The following PITPNC1 variants were observed in gnomAD, a reference collection of about 807,000 sequenced individuals.
PITPNC1 encodes the protein cytoplasmic phosphatidylinositol transfer protein 1.
Under a neutral mutation model 44.7 loss-of-function variants are expected in PITPNC1, and 18 were observed. The ratio of observed to expected loss-of-function variants is 0.40; its 90% CI spans 0.28 to 0.60. The LOEUF is 0.60. Ranked by LOEUF, PITPNC1 falls within the 20% of genes least tolerant of loss-of-function variation. The pLI is 0.39. For missense variants in PITPNC1, 290 were observed against 418.4 expected (o/e 0.69, Z 2.68); for synonymous variants, 141 against 149.6 (o/e 0.94, Z 0.42).
chr17:67,615,684 G>A (rs2041749290), intron 5 of PITPNC1, among the ~76,000 whole-genome samples: 3 of 152,112 alleles, frequency 2.0e-5, no homozygotes, highest in South Asian at 4.1e-4. Flanking sequence ...GTTCAATATC[G>A]ATTTGTCAAT....
At chr17:67,481,380 C>G (rs547248591) in intron 1 of PITPNC1, among the ~76,000 whole-genome samples, 1 of 152,362 alleles carries the variant, frequency 6.6e-6, no homozygotes, top group East Asian at 1.9e-4. Flanking sequence ...CTGCCAGCTG[C>G]AAAGCAGGCT....
At chr17:67,674,797 A>T (rs1313653411) in intron 7 of PITPNC1, among the ~76,000 whole-genome samples, 1 of 152,042 alleles carries the variant, frequency 6.6e-6, no homozygotes, top group South Asian at 2.1e-4. Flanking sequence ...GTGGATGACG[A>T]GGTCAAGAGA....
At chr17:67,442,495 G>C (rs1434614771) in intron 1 of PITPNC1, among the ~76,000 whole-genome samples, 1 of 151,298 alleles carries the variant, frequency 6.6e-6, no homozygotes, top group East Asian at 2.0e-4. Flanking sequence ...TCTTTATTTA[G>C]AATTTGGATG....
intron 1 of PITPNC1, among the ~76,000 whole-genome samples, chr17:67,467,929 G>T (rs2039451695): frequency 6.6e-6 from 1 of 152,216 alleles, no homozygotes; most frequent in African/African-American, 2.4e-5. Context: ...GACTTACGAT[G>T]TAATTGCATG....
intron 1 of PITPNC1, among the ~76,000 whole-genome samples, chr17:67,451,179 G>T (rs8077652): frequency 6.6e-6 from 1 of 151,740 alleles, no homozygotes. Context: ...CTACACGCGC[G>T]CGCCATCACA....
intron 1 of PITPNC1, among the ~76,000 whole-genome samples, chr17:67,518,168 C>CTTT (rs2040281462): frequency 1.3e-5 from 2 of 152,152 alleles, no homozygotes; most frequent in African/African-American, 2.4e-5. Context: ...CAAAATAATA[C>CTTT]TGAAAACAGC....
At chr17:67,448,662 C>A (rs562174184) in intron 1 of PITPNC1, among the ~76,000 whole-genome samples, 1 of 152,226 alleles carries the variant, frequency 6.6e-6, no homozygotes, top group African/African-American at 2.4e-5. Context: ...TCCAGTCTTT[C>A]CTGTGGGCTC....
At position 67,690,955 on chromosome 17, in the gene PITPNC1, T is replaced by A. The variant is rs538951814; in HGVS notation, c.683-1617T>A. Among the ~76,000 whole-genome samples, 216 of 152,032 alleles carry A rather than the reference T, an allele frequency of 1.4e-3. 3 individuals carry two copies. The South Asian group carries it at 0.03, about 21-fold the overall frequency. On this transcript the variant is annotated intron_variant, in intron 8 of 8. Coordinates refer to ENST00000581322, the MANE Select transcript of PITPNC1 (RefSeq NM_012417.4). ...CTGTCTCTGCTAAAAGTACAAAAAT[T>A]AGCAGGGCATGGTGGCACGTGCCTG...
At chr17:67,526,619 C>A (rs752553803) in intron 1 of PITPNC1, among the ~76,000 whole-genome samples, 1 of 151,912 alleles carries the variant, frequency 6.6e-6, no homozygotes, top group African/African-American at 2.4e-5. Context: ...GTAATCCCAG[C>A]TACTTGGGAG....
At chr17:67,543,441 A>G (rs557930389) in intron 2 of PITPNC1, among the ~76,000 whole-genome samples, 75 of 152,316 alleles carry the variant, frequency 4.9e-4, no homozygotes, top group Non-Finnish European at 7.9e-4. Context: ...CAGGAATGCA[A>G]TAGGGCTCCA....
At chr17:67,690,425 G>A (rs565272412) in intron 8 of PITPNC1, among the ~76,000 whole-genome samples, 130 of 132,526 alleles carry the variant, frequency 9.8e-4, no homozygotes, top group Non-Finnish European at 1.7e-3. Context: ...TCCAGCCTGG[G>A]AGACAAGAGC....
In PITPNC1 at chr17:67,694,697, G is replaced by C. The variant is rs2042982835; in HGVS notation, c.*1809G>C. The C allele has an allele frequency of 6.6e-6, 1 of 152,172 alleles. No individual in the cohort carries two copies. The highest frequency in any genetic ancestry group is 1.5e-5 in the Non-Finnish European group (1 of 68,020). 9.4% of individuals were successfully genotyped at this position (152,172 alleles called of 1,614,324 possible). A position where few individuals can be genotyped will look rare whatever the true frequency, so the allele number is the denominator to read the frequency against. On this transcript the variant is annotated 3_prime_UTR_variant, in exon 9 of 9. Transcript: ENST00000581322. ...GATCAACAGTGTATCTCTTCCCTAAGAATGATAGTATCTTAGTAAGACACC... is the reference window on the plus strand; with the variant it reads ...GATCAACAGTGTATCTCTTCCCTAACAATGATAGTATCTTAGTAAGACACC...
At chr17:67,433,119 G>T (rs1297981739) in intron 1 of PITPNC1, among the ~76,000 whole-genome samples, 1 of 152,148 alleles carries the variant, frequency 6.6e-6, no homozygotes, top group Non-Finnish European at 1.5e-5. Context: ...AGCAAGGCTT[G>T]TAGATATTTG....
At chr17:67,487,108 A>G (rs1012481719) in intron 1 of PITPNC1, among the ~76,000 whole-genome samples, 1 of 152,214 alleles carries the variant, frequency 6.6e-6, no homozygotes, top group Admixed American at 6.5e-5. Flanking sequence ...AAATATGAGT[A>G]CTAGTTTGAA....
At chr17:67,414,785 C>G (rs1021976192) in intron 1 of PITPNC1, among the ~76,000 whole-genome samples, 1 of 152,106 alleles carries the variant, frequency 6.6e-6, no homozygotes, top group Non-Finnish European at 1.5e-5. Flanking sequence ...ATATCTGGGG[C>G]AAAGGGGAAG....
chr17:67,428,974 G>A (rs1319667614), intron 1 of PITPNC1, among the ~76,000 whole-genome samples: 1 of 88,980 alleles, frequency 1.1e-5, no homozygotes, highest in Admixed American at 1.1e-4. Context: ...CCGAGTAGCT[G>A]GGATTACAGG....
chr17:67,581,325 C>T (rs1024744066), intron 5 of PITPNC1, among the ~76,000 whole-genome samples: 4 of 152,218 alleles, frequency 2.6e-5, no homozygotes, highest in African/African-American at 9.7e-5. Flanking sequence ...AAGAGAAGCA[C>T]CTATCACCTA....
intron 1 of PITPNC1, among the ~76,000 whole-genome samples, chr17:67,482,944 C>CG (rs2039723489): frequency 6.6e-6 from 1 of 152,152 alleles, no homozygotes; most frequent in Non-Finnish European, 1.5e-5. Flanking sequence ...AACCGTGGGT[C>CG]TGACTCAGTC....
chr17:67,423,985 A>G (rs541029439), intron 1 of PITPNC1, among the ~76,000 whole-genome samples: 4 of 148,744 alleles, frequency 2.7e-5, no homozygotes, highest in African/African-American at 7.4e-5. Context: ...TCCAAAACCT[A>G]TTGGTGTTCC....
Sources: gnomAD v4.1 joint callset for allele counts (sites outside exome capture counted in the v4.1 genomes callset) on GRCh38, gnomAD v4.1.1 for gene constraint, MANE v1.5 for transcripts, NCBI Gene and HGNC (gene_info 2026-07-23, HGNC 2026-07-21) for gene names.